The following KIFAP3 variants were observed in gnomAD, a reference collection of about 807,000 sequenced individuals.
The protein encoded by KIFAP3 is kinesin-associated protein 3.
A neutral mutation model predicts 106.5 loss-of-function variants in KIFAP3; 68 were observed. That is an observed-to-expected ratio of 0.64 (90% CI 0.53 to 0.78). KIFAP3 has a LOEUF of 0.78. KIFAP3 is among the 30% of genes least tolerant of loss of function. KIFAP3 has a pLI of 0.00. For synonymous variants in KIFAP3, 320 were observed against 311.5 expected, an observed-to-expected ratio of 1.03 and a Z score of -0.29; for missense variants, 780 against 941.8, an observed-to-expected ratio of 0.83 and a Z score of 2.25.
intron 3 of KIFAP3, among the ~76,000 whole-genome samples, chr1:170,043,846 GC>G (rs1469170374): frequency 2.0e-5 from 3 of 152,122 alleles, no homozygotes; most frequent in African/African-American, 7.2e-5. Context: ...TGAAATAAAG[GC>G]CTTAATTGCT....
chr1:170,005,760 T>A (rs1335312612), intron 10 of KIFAP3, among the ~76,000 whole-genome samples: 1 of 147,576 alleles, frequency 6.8e-6, no homozygotes, highest in Non-Finnish European at 1.5e-5. Context: ...TAATGCTAAA[T>A]GACGAGTTAA....
intron 1 of KIFAP3, among the ~76,000 whole-genome samples, chr1:170,057,775 T>G (rs554799027): frequency 2.1e-4 from 32 of 152,148 alleles, no homozygotes; most frequent in African/African-American, 7.7e-4. Flanking sequence ...TGAAAAAAAT[T>G]TGAGCCATTA....
intron 5 of KIFAP3, among the ~76,000 whole-genome samples, chr1:170,035,960 G>A (rs1461336969): frequency 6.6e-6 from 1 of 151,534 alleles, no homozygotes; most frequent in African/African-American, 2.4e-5. Context: ...ACTTGAATAA[G>A]TCTAGAAAAA....
intron 19 of KIFAP3, among the ~76,000 whole-genome samples, chr1:169,934,226 C>A (rs914536689): frequency 1.3e-5 from 2 of 152,090 alleles, no homozygotes; most frequent in Non-Finnish European, 2.9e-5. Flanking sequence ...GAGATTTATG[C>A]CTCCACATAA....
At chr1:170,046,258 A>G (rs1670250155) in intron 3 of KIFAP3, among the ~76,000 whole-genome samples, 1 of 151,472 alleles carries the variant, frequency 6.6e-6, no homozygotes, top group African/African-American at 2.4e-5. Flanking sequence ...GATTCATGAA[A>G]GTTATATCTT....
At chr1:170,013,255 T>C (rs1159841201) in intron 10 of KIFAP3, among the ~76,000 whole-genome samples, 3 of 152,118 alleles carry the variant, frequency 2.0e-5, no homozygotes, top group African/African-American at 4.8e-5. Flanking sequence ...CGACCTAAGA[T>C]AACTGTGTAT....
At chr1:170,011,014 G>A (rs1668217575) in intron 10 of KIFAP3, among the ~76,000 whole-genome samples, 1 of 151,790 alleles carries the variant, frequency 6.6e-6, no homozygotes, top group African/African-American at 2.4e-5. Flanking sequence ...GTTTATTTCT[G>A]AAGAAAAAAG....
At chr1:169,973,124 A>ATATATATATATATATATATATATAT (rs1361338751) in intron 16 of KIFAP3, among the ~76,000 whole-genome samples, 3 of 48,726 alleles carry the variant, frequency 6.2e-5, no homozygotes, top group Admixed American at 2.2e-4. Flanking sequence ...TATATATATA[A>ATATATATATATATATATATATATAT]ACAACACAAA....
chr1:170,033,892 T>C (rs12121451), intron 7 of KIFAP3, among the ~76,000 whole-genome samples: 9,572 of 151,954 alleles, frequency 0.063, 381 homozygotes, highest in Non-Finnish European at 0.095. Context: ...TATTATTCTA[T>C]AGGCCTTTCA....
In KIFAP3 at chr1:169,970,668, G is replaced by A. The variant is rs188913788; in HGVS notation, c.1983+1845C>T. ...AATACTAGGAAATCATTATCTAGAG[G>A]TAAAAAGAATTTTAAGACATCATCC... On this transcript the variant is annotated intron_variant, in intron 17 of 19. Coordinates refer to ENST00000361580, the MANE Select transcript of KIFAP3 (RefSeq NM_014970.4). Among the ~76,000 whole-genome samples, 1,103 of 151,988 alleles carry A rather than the reference G, an allele frequency of 7.3e-3. 4 individuals are homozygous for A. Among genetic ancestry groups the A allele is most frequent in the Middle Eastern group, 0.017 (5 of 294 alleles).
chr1:170,082,246 T>C (rs991429328), intron 1 of KIFAP3, among the ~76,000 whole-genome samples: 2 of 152,162 alleles, frequency 1.3e-5, no homozygotes, highest in Non-Finnish European at 2.9e-5. Context: ...GGATACTACT[T>C]AGCATCAAGA....
intron 5 of KIFAP3, 89 bp downstream of exon 5, chr1:170,038,201 G>A: frequency 3.0e-6 from 3 of 1,007,678 alleles, no homozygotes; most frequent in Non-Finnish European, 2.8e-6. Context: ...AAGAAATAAA[G>A]AGCTGGAAAA....
intron 9 of KIFAP3, among the ~76,000 whole-genome samples, chr1:170,020,180 A>T (rs1668736412): frequency 6.6e-6 from 1 of 152,232 alleles, no homozygotes; most frequent in African/African-American, 2.4e-5. Flanking sequence ...GCTATACTAT[A>T]TTCATGGATT....
chr1:169,924,095 C>T (rs1166328907), intron 19 of KIFAP3, among the ~76,000 whole-genome samples: 1 of 152,146 alleles, frequency 6.6e-6, no homozygotes, highest in East Asian at 1.9e-4. Context: ...CCTAATCCAC[C>T]TGATGGTTAT....
intron 1 of KIFAP3, among the ~76,000 whole-genome samples, chr1:170,084,805 C>G (rs1004415316): frequency 1.3e-5 from 2 of 152,144 alleles, no homozygotes; most frequent in African/African-American, 2.4e-5. Context: ...TATACGAGAA[C>G]ATGGTATTTG....
At chr1:170,043,373 A>T (rs1670081706) in intron 3 of KIFAP3, among the ~76,000 whole-genome samples, 3 of 152,212 alleles carry the variant, frequency 2.0e-5, no homozygotes. Context: ...TAGCCTAATG[A>T]ACTGGATAAA....
chr1:170,058,299 T>C (rs938128413), intron 1 of KIFAP3, among the ~76,000 whole-genome samples: 6 of 152,152 alleles, frequency 3.9e-5, no homozygotes, highest in African/African-American at 1.4e-4. Flanking sequence ...TAAAATTGTA[T>C]CAAATAATAA....
chr1:170,013,280 C>T (rs937721215), intron 10 of KIFAP3, among the ~76,000 whole-genome samples: 1 of 152,086 alleles, frequency 6.6e-6, no homozygotes, highest in South Asian at 2.1e-4. Context: ...TGATTAAACA[C>T]CCTTAATAAT....
chr1:169,979,951 G>C (rs1326714161), intron 15 of KIFAP3, among the ~76,000 whole-genome samples: 1 of 152,048 alleles, frequency 6.6e-6, no homozygotes, highest in Non-Finnish European at 1.5e-5. Flanking sequence ...CAATGAAAAT[G>C]AACAAACTTT....
Sources: allele counts gnomAD v4.1 joint callset (sites outside exome capture counted in the v4.1 genomes callset), GRCh38; gene constraint gnomAD v4.1.1; transcripts MANE v1.5; gene names NCBI Gene and HGNC (gene_info 2026-07-23, HGNC 2026-07-21).